TRIM24: variants seen among roughly 807,000 people sequenced by gnomAD.
The protein encoded by TRIM24 is tripartite motif containing 24, also known as transcription intermediary factor 1-alpha.
Under a neutral mutation model 123.9 loss-of-function variants are expected in TRIM24, and 29 were observed. The ratio of observed to expected loss-of-function variants is 0.23; its 90% CI spans 0.17 to 0.32. The LOEUF (loss-of-function observed/expected upper bound fraction) is 0.32. TRIM24 is among the 10% of genes least tolerant of loss of function. TRIM24 has a pLI of 1.00. For synonymous variants in TRIM24, 456 were observed against 461.1 expected, an observed-to-expected ratio of 0.99 and a Z score of 0.14; for missense variants, 932 against 1,295.3, an observed-to-expected ratio of 0.72 and a Z score of 4.31.
In TRIM24 at chr7:138,576,360, T is replaced by TC. The variant is rs766966227; in HGVS notation, c.2015-8dup. ...TCATTCGTTTTATGAATGTATGGTTTCCCCCTCCTCAGGACCTGTTACTAT... is the reference window on the plus strand; with the variant it reads ...TCATTCGTTTTATGAATGTATGGTTTCCCCCCTCCTCAGGACCTGTTACTAT... On this transcript the variant is annotated splice_polypyrimidine_tract_variant and intron_variant, in intron 12 of 18. Coordinates refer to ENST00000343526, the MANE Select transcript of TRIM24 (RefSeq NM_015905.3). 8.7e-6 allele frequency: 14 copies of TC among 1,611,092 alleles called. No homozygotes were observed. The highest frequency in any genetic ancestry group is 1.2e-5 in the Non-Finnish European group (14 of 1,177,838).
chr7:138,470,024 G>C (rs1795235834), intron 1 of TRIM24, among the ~76,000 whole-genome samples: 2 of 151,282 alleles, frequency 1.3e-5, no homozygotes, highest in Admixed American at 1.3e-4. Context: ...GCAGTTCCTT[G>C]TACTGTATAA....
In TRIM24 at chr7:138,538,743, T is replaced by A. The variant is rs1796943722; in HGVS notation, c.1083T>A (p.His361Gln). 1 of 1,614,142 alleles carries A rather than the reference T, an allele frequency of 6.2e-7. No individual in the cohort carries two copies. The highest frequency in any genetic ancestry group is 2.2e-5 in the East Asian group (1 of 44,874). The change falls in exon 7 of 19, where the codon CAT becomes CAA. Residue 361 changes from histidine (H) to glutamine (Q), a missense_variant. Transcript: ENST00000343526. The stretch of plus-strand genomic sequence containing the variant: ...CTAAACAATTGGAGCATGTCATGCA[T>A]TTTTCTAAATGGGCAGTTTCCAGTG... ...GLSKQLEHVM[H>Q]FSKWAVSSGS... is the part of the protein sequence containing the mutation.
intron 10 of TRIM24, 66 bp from the exon 11 acceptor site, chr7:138,570,764 A>G (rs1797637335): frequency 6.5e-7 from 1 of 1,530,198 alleles, no homozygotes; most frequent in Non-Finnish European, 8.9e-7. Context: ...TGTGTGAGTG[A>G]TTACATAGAT....
intron 7 of TRIM24, among the ~76,000 whole-genome samples, chr7:138,550,180 A>C (rs890736653): frequency 6.6e-6 from 1 of 152,192 alleles, no homozygotes; most frequent in Non-Finnish European, 1.5e-5. Flanking sequence ...GTAAGTGGTC[A>C]TGTGTTTGAA....
rs181090650 is a variant in TRIM24, at chr7:138,529,931, C to T, written c.996+701C>T. On this transcript the variant is annotated intron_variant, in intron 6 of 18. Coordinates refer to ENST00000343526, the MANE Select transcript of TRIM24 (RefSeq NM_015905.3). ...AAAGCATATTGATACAGTAAAGAAG[C>T]AAATGAGAAAAAAAAGAATCCTAAT... is the stretch of plus-strand genomic sequence containing the variant. Among the ~76,000 whole-genome samples, 3 of 151,350 alleles carry T rather than the reference C, an allele frequency of 2.0e-5. No homozygotes were observed. In the East Asian group the frequency reaches 5.8e-4, roughly 29 times the overall value.
Position 138,584,808 on chromosome 7 carries a change from C to T in TRIM24, c.3010C>T (p.Leu1004Phe), listed in dbSNP as rs1797979276. 6.2e-7 allele frequency: 1 copy of T among 1,613,234 alleles called. No individual in the cohort carries two copies. The change falls in exon 19 of 19, where the codon CTC becomes TTC. Residue 1004 changes from leucine to phenylalanine, a missense_variant. By Grantham distance (22) the Leu-to-Phe change is conservative. Coordinates refer to ENST00000343526, the MANE Select transcript of TRIM24 (RefSeq NM_015905.3). ...TTATTTTGAAGAACTTCTAAAGAAC[C>T]TCTATCCAGAAAAAAGGTTTCCCAA... Reference protein sequence around the residue: ...ENYFEELLKNLYPEKRFPKPE... With the variant: ...ENYFEELLKNFYPEKRFPKPE...
chr7:138,508,714 T>TGC (rs1428744861), intron 2 of TRIM24, among the ~76,000 whole-genome samples: 63 of 90,426 alleles, frequency 7.0e-4, no homozygotes, highest in African/African-American at 1.2e-3. Flanking sequence ...TGTGCGTGTG[T>TGC]GTGTGCGTGT....
intron 9 of TRIM24, 130 bp downstream of exon 9, chr7:138,555,096 G>A: frequency 1.0e-6 from 1 of 968,522 alleles, no homozygotes; most frequent in Non-Finnish European, 1.5e-6. Flanking sequence ...ATCACATTAA[G>A]GATCCCTGAT....
chr7:138,505,710 G>T (rs1796139165), intron 2 of TRIM24, among the ~76,000 whole-genome samples: 1 of 152,052 alleles, frequency 6.6e-6, no homozygotes, highest in Admixed American at 6.6e-5. Context: ...CTAACTAAAG[G>T]CTTACTTGGC....
intron 10 of TRIM24, among the ~76,000 whole-genome samples, chr7:138,569,554 A>G (rs1268048903): frequency 6.6e-6 from 1 of 152,176 alleles, no homozygotes; most frequent in Non-Finnish European, 1.5e-5. Context: ...CATCATGTAC[A>G]TAGAAAAAAA....
chr7:138,553,412 A>G (rs1200068849), intron 8 of TRIM24, among the ~76,000 whole-genome samples: 1 of 152,188 alleles, frequency 6.6e-6, no homozygotes, highest in African/African-American at 2.4e-5. Flanking sequence ...CTAAACATAC[A>G]CATATACCTT....
intron 9 of TRIM24, chr7:138,556,381 G>A (rs1251231453): frequency 6.6e-6 from 1 of 152,154 alleles, no homozygotes; most frequent in Non-Finnish European, 1.5e-5. Flanking sequence ...ATTTTTAAGA[G>A]AGAAGCAGTT....
Position 138,586,754 on chromosome 7 carries a change from A to T in TRIM24, c.*1803A>T, listed in dbSNP as rs1798026948. 6.6e-6 allele frequency: 1 copy of T among 152,186 alleles called. No homozygotes were observed. The highest frequency in any genetic ancestry group is 2.4e-5 in the African/African-American group (1 of 41,444). 9.4% of individuals were successfully genotyped at this position (152,186 alleles called of 1,614,324 possible). ...CAGCAGCTGTGGAGCTTTTGCTGAT[A>T]ATTTTATTGTTGGTATCTTAGAATA... On this transcript the variant is annotated 3_prime_UTR_variant, in exon 19 of 19. Transcript: ENST00000343526.
intron 1 of TRIM24, among the ~76,000 whole-genome samples, chr7:138,473,246 C>T (rs1451991751): frequency 1.3e-5 from 2 of 152,194 alleles, no homozygotes; most frequent in Admixed American, 6.5e-5. Context: ...TGCCACTGCA[C>T]TCCAGCCTGG....
At chr7:138,502,901 G>A (rs750225730) in intron 1 of TRIM24, among the ~76,000 whole-genome samples, 1 of 151,902 alleles carries the variant, frequency 6.6e-6, no homozygotes, top group African/African-American at 2.4e-5. Context: ...CTTGCTTTTT[G>A]TTTCTTGCTT....
chr7:138,519,448 T>C (rs1173827220), intron 4 of TRIM24, 127 bp downstream of exon 4: 2 of 1,053,452 alleles, frequency 1.9e-6, no homozygotes, highest in Non-Finnish European at 2.7e-6. Flanking sequence ...TGCTGGCCTG[T>C]ACTGGGGTTT....
intron 5 of TRIM24, among the ~76,000 whole-genome samples, chr7:138,528,793 C>A (rs930213032): frequency 4.3e-5 from 5 of 115,144 alleles, no homozygotes; most frequent in Admixed American, 3.3e-4. Context: ...ACCCCCCCCC[C>A]CATCCTTTTA....
At chr7:138,472,475 G>A (rs1184406863) in intron 1 of TRIM24, among the ~76,000 whole-genome samples, 2 of 152,084 alleles carry the variant, frequency 1.3e-5, no homozygotes, top group East Asian at 3.9e-4. Context: ...TGTATTCTGA[G>A]CCCCCCACTG....
chr7:138,518,504 C>G, intron 3 of TRIM24, among the ~76,000 whole-genome samples: 1 of 151,984 alleles, frequency 6.6e-6, no homozygotes, highest in East Asian at 1.9e-4. Flanking sequence ...CAGTTTTATC[C>G]CCACACTGGA....
Sources: gnomAD v4.1 joint callset for allele counts (sites outside exome capture counted in the v4.1 genomes callset) on GRCh38, gnomAD v4.1.1 for gene constraint, MANE v1.5 for transcripts, NCBI Gene and HGNC (gene_info 2026-07-23, HGNC 2026-07-21) for gene names.